Variants in SLCO2B1 observed in about 807,000 individuals in gnomAD.
The protein encoded by SLCO2B1 is solute carrier organic anion transporter family member 2B1.
A neutral mutation model predicts 67.3 loss-of-function variants in SLCO2B1; 41 were observed. That is an observed-to-expected ratio of 0.61 (90% CI 0.47 to 0.79). The LOEUF (loss-of-function observed/expected upper bound fraction) is 0.79, where lower values mean the gene tolerates loss of function less well. Ranked by LOEUF, SLCO2B1 falls within the 30% of genes least tolerant of loss-of-function variation. SLCO2B1 has a pLI of 0.00. For missense variants in SLCO2B1, 837 were observed against 920.1 expected, an observed-to-expected ratio of 0.91 and a Z score of 1.17; for synonymous variants, 379 against 381.4, an observed-to-expected ratio of 0.99 and a Z score of 0.07.
intron 7 of SLCO2B1, among the ~76,000 whole-genome samples, chr11:75,185,041 A>G (rs1950133080): frequency 1.3e-5 from 2 of 152,186 alleles, no homozygotes. Context: ...AAAGGGAAAA[A>G]AAGTCCAAGG....
At chr11:75,177,591 T>G (rs1404463452) in intron 7 of SLCO2B1, among the ~76,000 whole-genome samples, 1 of 152,164 alleles carries the variant, frequency 6.6e-6, no homozygotes, top group Non-Finnish European at 1.5e-5. Context: ...GGTGGTCCAG[T>G]GGTGGTGGGC....
chr11:75,163,842 T>A, intron 2 of SLCO2B1, 121 bp from the exon 3 acceptor site: 1 of 1,173,162 alleles, frequency 8.5e-7, no homozygotes, highest in Non-Finnish European at 1.2e-6. Context: ...TCTCCCGCCC[T>A]CTGTCTCTTT....
intron 1 of SLCO2B1, among the ~76,000 whole-genome samples, chr11:75,161,265 G>A (rs1052230646): frequency 1.3e-5 from 2 of 152,224 alleles, no homozygotes; most frequent in Non-Finnish European, 2.9e-5. Flanking sequence ...ACAAATAGTA[G>A]ATGAGTGTTT....
intron 4 of SLCO2B1, among the ~76,000 whole-genome samples, chr11:75,168,085 A>G (rs1676877): frequency 0.76 from 115,907 of 151,728 alleles, 44,441 homozygotes; most frequent in South Asian, 0.84. Context: ...TAGCGATGGG[A>G]TTTCTCCATG....
chr11:75,191,404 CCTCTTCA>C (rs1945021379), intron 8 of SLCO2B1, among the ~76,000 whole-genome samples: 1 of 152,170 alleles, frequency 6.6e-6, no homozygotes, highest in Non-Finnish European at 1.5e-5. Context: ...GAGCCTCATA[CCTCTTCA>C]CTCTAATGCT....
rs770089344 is a variant in SLCO2B1, at chr11:75,172,364, G to T, written c.782-15G>T. On this transcript the variant is annotated splice_polypyrimidine_tract_variant and intron_variant, in intron 6 of 13. Coordinates refer to ENST00000289575, the MANE Select transcript of SLCO2B1 (RefSeq NM_007256.5). ...ATCATCCTGACCCTAATGTCACCAT[G>T]CTCTTCTCTTCCAGGTGGTATCAGC... 4 of 1,606,396 alleles carry T rather than the reference G, an allele frequency of 2.5e-6. No individual in the cohort carries two copies. In the Admixed American group the frequency reaches 6.7e-5, roughly 27 times the overall value.
intron 13 of SLCO2B1, 67 bp from the exon 14 acceptor site, chr11:75,204,333 A>G: frequency 2.8e-6 from 4 of 1,452,484 alleles, no homozygotes; most frequent in Non-Finnish European, 3.7e-6. Context: ...ACAATGAGTG[A>G]TGACTGCTGA....
At chr11:75,173,452 G>A (rs371362323) in intron 7 of SLCO2B1, among the ~76,000 whole-genome samples, 1 of 152,226 alleles carries the variant, frequency 6.6e-6, no homozygotes, top group South Asian at 2.1e-4. Context: ...GGCTGGATCT[G>A]AAGATCAGTC....
intron 6 of SLCO2B1, 31 bp downstream of exon 6, chr11:75,169,795 C>A: frequency 6.4e-7 from 1 of 1,551,748 alleles, no homozygotes; most frequent in Non-Finnish European, 8.9e-7. Flanking sequence ...TTTGCTAGAC[C>A]CTAGCTAACT....
chr11:75,197,893 G>A lies in SLCO2B1; in HGVS notation c.1599+1214G>A, dbSNP rs1391010338. ...CGGTTCCTCCTCCCCTTTTTCCTCA[G>A]TTCCCCAAAATGACAAAGGGGGACA... On this transcript the variant is annotated intron_variant, in intron 10 of 13. Coordinates refer to ENST00000289575, the MANE Select transcript of SLCO2B1 (RefSeq NM_007256.5). 2.0e-5 allele frequency among the ~76,000 whole-genome samples: 3 copies of A among 152,306 alleles called. No homozygotes were observed. In the East Asian group the frequency reaches 5.8e-4, roughly 29 times the overall value.
chr11:75,159,836 G>T, intron 1 of SLCO2B1: 1 of 985,502 alleles, frequency 1.0e-6, no homozygotes. Flanking sequence ...AGCCTTGGCA[G>T]AAAAGGCTGG....
intron 1 of SLCO2B1, among the ~76,000 whole-genome samples, chr11:75,153,283 C>T (rs527748917): frequency 3.2e-4 from 49 of 152,272 alleles, no homozygotes; most frequent in African/African-American, 1.1e-3. Context: ...TCCTTGTTTC[C>T]GGTGTTGCTC....
intron 8 of SLCO2B1, among the ~76,000 whole-genome samples, chr11:75,192,339 G>A (rs1945034023): frequency 1.3e-5 from 2 of 152,146 alleles, no homozygotes; most frequent in South Asian, 4.1e-4. Flanking sequence ...AAAACCCCCT[G>A]ATCTTTTAAA....
intron 7 of SLCO2B1, among the ~76,000 whole-genome samples, chr11:75,185,220 T>A (rs765490293): frequency 6.6e-6 from 1 of 152,132 alleles, no homozygotes; most frequent in Non-Finnish European, 1.5e-5. Flanking sequence ...ATTTGCCTCA[T>A]GATGATCTCA....
chr11:75,204,207 A>G, intron 13 of SLCO2B1, 193 bp from the exon 14 acceptor site: 1 of 531,934 alleles, frequency 1.9e-6, no homozygotes, highest in Non-Finnish European at 3.2e-6. Context: ...AGGGCGATGA[A>G]GATGGCCAGG....
At chr11:75,189,999 A>G (rs7110250) in intron 8 of SLCO2B1, among the ~76,000 whole-genome samples, 12,129 of 150,664 alleles carry the variant, frequency 0.081, 1,211 homozygotes, top group African/African-American at 0.24. Context: ...TTGGGATATC[A>G]GTAATCTAGC....
At position 75,169,107 on chromosome 11, in the gene SLCO2B1, C is replaced by A. The variant is rs1949927512; in HGVS notation, c.449-66C>A. 1.3e-5 allele frequency: 17 copies of A among 1,271,654 alleles called. No individual in the cohort carries two copies. In the Middle Eastern group the frequency reaches 5.7e-4, roughly 42 times the overall value. 78.8% of individuals were successfully genotyped at this position (1,271,654 alleles called of 1,614,324 possible). ...TACACAGCACTTAGAACAGTACCTT[C>A]CCCCGGGGTAAGCGCTATTTAAGTC... is the stretch of plus-strand genomic sequence containing the variant. On this transcript the variant is annotated intron_variant, in intron 4 of 13. Coordinates refer to ENST00000289575, the MANE Select transcript of SLCO2B1 (RefSeq NM_007256.5).
At chr11:75,170,629 C>T (rs965270872) in intron 6 of SLCO2B1, among the ~76,000 whole-genome samples, 1 of 152,188 alleles carries the variant, frequency 6.6e-6, no homozygotes, top group Non-Finnish European at 1.5e-5. Context: ...CATGCAGACG[C>T]TGCTTCTCGT....
At chr11:75,188,935 TG>T (rs1944978023) in intron 8 of SLCO2B1, among the ~76,000 whole-genome samples, 1 of 152,190 alleles carries the variant, frequency 6.6e-6, no homozygotes, top group South Asian at 2.1e-4. Flanking sequence ...TCCCACCCAC[TG>T]CTGAGCCTGC....
Sources: gnomAD v4.1 joint callset for allele counts (sites outside exome capture counted in the v4.1 genomes callset) on GRCh38, gnomAD v4.1.1 for gene constraint, MANE v1.5 for transcripts, NCBI Gene and HGNC (gene_info 2026-07-23, HGNC 2026-07-21) for gene names.